FBXL17: variants seen among roughly 807,000 people sequenced by gnomAD.
FBXL17 encodes the protein F-box/LRR-repeat protein 17.
A neutral mutation model predicts 66.2 loss-of-function variants in FBXL17; 22 were observed. The observed-to-expected ratio is 0.33, with a 90% confidence interval of 0.24 to 0.47. FBXL17 has a LOEUF of 0.47. Ranked by LOEUF, FBXL17 falls within the 20% of genes least tolerant of loss-of-function variation. The pLI is 1.00. For synonymous variants in FBXL17, 474 were observed against 400.5 expected (o/e 1.18, Z -2.19); for missense variants, 878 against 948.2 (o/e 0.93, Z 0.97).
In FBXL17 at chr5:108,072,777, C is replaced by G. The variant is rs753438144; in HGVS notation, c.1746-51776G>C. Among the ~76,000 whole-genome samples the G allele has an allele frequency of 7.9e-5, 12 of 152,298 alleles. No individual in the cohort carries two copies. The East Asian group carries it at 2.3e-3, about 29-fold the overall frequency. ...TTCAACCAATCACAACATTTATTAT[C>G]TCATTCCTCATTAACGCTTTTTCAT... On this transcript the variant is annotated intron_variant, in intron 6 of 8. Transcript: ENST00000542267.
intron 6 of FBXL17, among the ~76,000 whole-genome samples, chr5:108,092,085 C>T (rs1207434399): frequency 1.3e-5 from 2 of 152,140 alleles, no homozygotes; most frequent in Non-Finnish European, 2.9e-5. Flanking sequence ...TATTACTTTA[C>T]ATACTAAAAC....
chr5:108,100,593 T>A (rs1337809254), intron 6 of FBXL17, among the ~76,000 whole-genome samples: 1 of 152,182 alleles, frequency 6.6e-6, no homozygotes, highest in Non-Finnish European at 1.5e-5. Flanking sequence ...GCTGGTTTTA[T>A]AACACAGAAT....
intron 8 of FBXL17, chr5:107,879,751 A>G: frequency 1.0e-6 from 1 of 985,434 alleles, no homozygotes; most frequent in South Asian, 4.7e-5. Context: ...ATCACCATTT[A>G]CAAAAGTAGC....
intron 5 of FBXL17, among the ~76,000 whole-genome samples, chr5:108,193,963 C>T (rs1580591674): frequency 2.0e-5 from 3 of 152,224 alleles, no homozygotes; most frequent in East Asian, 3.9e-4. Flanking sequence ...CATTTTACGG[C>T]CCGCTTCTCC....
chr5:108,169,059 G>C (rs34421), intron 6 of FBXL17, among the ~76,000 whole-genome samples: 32,863 of 151,992 alleles, frequency 0.22, 3,805 homozygotes, highest in South Asian at 0.32. Flanking sequence ...CAATGTCTGC[G>C]TGGATGTCTA....
At chr5:108,033,342 G>C (rs1312140254) in intron 6 of FBXL17, among the ~76,000 whole-genome samples, 1 of 151,940 alleles carries the variant, frequency 6.6e-6, no homozygotes, top group Non-Finnish European at 1.5e-5. Flanking sequence ...TTTGTTAATG[G>C]TTATTTATTA....
intron 5 of FBXL17, among the ~76,000 whole-genome samples, chr5:108,198,059 A>G (rs868361535): frequency 6.6e-6 from 1 of 152,262 alleles, no homozygotes; most frequent in African/African-American, 2.4e-5. Context: ...GCCACCTGCA[A>G]TCTTTGGGTC....
rs536580069 is a variant in FBXL17 at position 107,997,271 on chromosome 5, G to A, written c.1822+23654C>T. Among the ~76,000 whole-genome samples, 3 of 152,278 alleles carry A rather than the reference G, an allele frequency of 2.0e-5. No individual in the cohort carries two copies. The South Asian group carries it at 6.2e-4, about 32-fold the overall frequency. ...TAATACTAATAATACAGATATTGAA[G>A]GTTGATAACTGTGAAGACTAACAAA... On this transcript the variant is annotated intron_variant, in intron 7 of 8. Transcript: ENST00000542267.
intron 6 of FBXL17, among the ~76,000 whole-genome samples, chr5:108,102,844 T>C (rs945364475): frequency 6.6e-6 from 1 of 152,162 alleles, no homozygotes; most frequent in Non-Finnish European, 1.5e-5. Context: ...AAATAATATA[T>C]CTTATAAGAT....
At chr5:108,321,709 A>AT (rs747906570) in intron 4 of FBXL17, among the ~76,000 whole-genome samples, 234 of 150,742 alleles carry the variant, frequency 1.6e-3, no homozygotes, top group African/African-American at 5.1e-3. Flanking sequence ...ATGTAAATAA[A>AT]TTTAAAAAAA....
At chr5:108,111,703 C>T (rs1250925672) in intron 6 of FBXL17, among the ~76,000 whole-genome samples, 2 of 152,130 alleles carry the variant, frequency 1.3e-5, no homozygotes, top group Non-Finnish European at 2.9e-5. Flanking sequence ...TCTGTACATG[C>T]TAGCTTTTTC....
At chr5:108,058,847 A>G (rs139424005) in intron 6 of FBXL17, among the ~76,000 whole-genome samples, 7 of 152,328 alleles carry the variant, frequency 4.6e-5, no homozygotes, top group African/African-American at 9.6e-5. Flanking sequence ...GCAAGCTAGT[A>G]GAAGGGCAGA....
chr5:107,928,214 G>T (rs1750598117), intron 7 of FBXL17, among the ~76,000 whole-genome samples: 1 of 152,046 alleles, frequency 6.6e-6, no homozygotes, highest in South Asian at 2.1e-4. Flanking sequence ...CTCCTATGGG[G>T]CCTGCTCAAG....
At chr5:107,877,267 C>T (rs570867542) in intron 8 of FBXL17, among the ~76,000 whole-genome samples, 1 of 152,332 alleles carries the variant, frequency 6.6e-6, no homozygotes, top group East Asian at 1.9e-4. Context: ...CAGGAATCAC[C>T]AATGTTGCAG....
At chr5:108,255,658 G>A (rs960446471) in intron 4 of FBXL17, among the ~76,000 whole-genome samples, 2 of 152,068 alleles carry the variant, frequency 1.3e-5, no homozygotes, top group African/African-American at 4.8e-5. Context: ...TTCACTGCCT[G>A]CAAGCAACAA....
chr5:107,886,142 C>T lies in FBXL17; in HGVS notation c.1823-4963G>A, dbSNP rs372423395. 7.2e-5 allele frequency among the ~76,000 whole-genome samples: 11 copies of T among 152,230 alleles called. No individual in the cohort carries two copies. In the South Asian group the frequency reaches 2.3e-3, roughly 32 times the overall value. On this transcript the variant is annotated intron_variant, in intron 7 of 8. Coordinates refer to ENST00000542267, the MANE Select transcript of FBXL17 (RefSeq NM_001163315.3). ...AAAAAGAACTGTAAGCAAACAAATA[C>T]TGTACTATAGCAAGTAAATTTGTCA...
At chr5:108,341,106 G>A (rs992633282) in intron 4 of FBXL17, among the ~76,000 whole-genome samples, 1 of 152,102 alleles carries the variant, frequency 6.6e-6, no homozygotes, top group African/African-American at 2.4e-5. Flanking sequence ...CAATGTAAGT[G>A]TCCTTCAATA....
intron 4 of FBXL17, among the ~76,000 whole-genome samples, chr5:108,274,242 T>C (rs969211116): frequency 6.6e-6 from 1 of 152,178 alleles, no homozygotes; most frequent in Non-Finnish European, 1.5e-5. Context: ...GACTGGAGTC[T>C]ATCTCACCTC....
At chr5:107,920,734 A>G (rs1377477192) in intron 7 of FBXL17, among the ~76,000 whole-genome samples, 3 of 152,202 alleles carry the variant, frequency 2.0e-5, no homozygotes, top group Non-Finnish European at 4.4e-5. Flanking sequence ...ATCAATGTCA[A>G]AGGCAGAGTG....
Sources: allele counts gnomAD v4.1 joint callset (sites outside exome capture counted in the v4.1 genomes callset), GRCh38; gene constraint gnomAD v4.1.1; transcripts MANE v1.5; gene names NCBI Gene and HGNC (gene_info 2026-07-23, HGNC 2026-07-21).